TTC39A: variants seen among roughly 807,000 people sequenced by gnomAD.
TTC39A encodes tetratricopeptide repeat protein 39A.
TTC39A carries 46 observed loss-of-function variants against 82.3 expected under a neutral mutation model. The ratio of observed to expected loss-of-function variants is 0.56; its 90% CI spans 0.44 to 0.71. The LOEUF (loss-of-function observed/expected upper bound fraction) is 0.71, where lower values mean the gene tolerates loss of function less well. TTC39A is among the 30% of genes least tolerant of loss of function. The pLI is 0.00. For missense variants in TTC39A, 543 were observed against 712.9 expected (o/e 0.76, Z 2.71); for synonymous variants, 254 against 275.2 (o/e 0.92, Z 0.76).
chr1:51,308,431 G>C (rs1243592757), intron 6 of TTC39A, among the ~76,000 whole-genome samples: 1 of 152,086 alleles, frequency 6.6e-6, no homozygotes, highest in East Asian at 1.9e-4. Context: ...GTAGAGACAG[G>C]GTTTCACCAG....
chr1:51,297,123 GC>G (rs1644463820), intron 12 of TTC39A: 1 of 152,240 alleles, frequency 6.6e-6, no homozygotes, highest in African/African-American at 2.4e-5. Context: ...CCATGCCGGG[GC>G]CTCAGCCCGC....
rs1644351989 is a variant in TTC39A, at chr1:51,294,763, G to A, written c.1146-252C>T. The stretch of plus-strand genomic sequence containing the variant: ...TTCCTCCCCGCCAGCTGGCAGAGAT[G>A]AGAGTGTGCCAAACACCCCTGGGCC... On this transcript the variant is annotated intron_variant, in intron 13 of 17. Transcript: ENST00000680483. The surrounding 1 kb of genome is among the most constrained non-coding windows in gnomAD (Gnocchi z 4.3). Among the ~76,000 whole-genome samples, 1 of 152,218 alleles carries A rather than the reference G, an allele frequency of 6.6e-6. No individual in the cohort carries two copies. The highest frequency in any genetic ancestry group is 2.1e-4 in the South Asian group (1 of 4,836).
intron 5 of TTC39A, among the ~76,000 whole-genome samples, chr1:51,309,917 A>G (rs995511306): frequency 6.6e-6 from 1 of 152,172 alleles, no homozygotes; most frequent in Non-Finnish European, 1.5e-5. Flanking sequence ...TGGGTGAAGA[A>G]AGCAAGACCC....
chr1:51,328,027 A>C (rs927430725), intron 1 of TTC39A, among the ~76,000 whole-genome samples: 6 of 152,098 alleles, frequency 3.9e-5, no homozygotes, highest in Non-Finnish European at 8.8e-5. Flanking sequence ...AGTAGCACTG[A>C]CTTTATAATG....
upstream of TTC39A, chr1:51,331,316 G>A (rs923781617): frequency 4.6e-6 from 7 of 1,536,480 alleles, no homozygotes; most frequent in Admixed American, 7.9e-5. Context: ...GCCCTGAGGC[G>A]GTGTCTCCAC....
In TTC39A at chr1:51,330,161, T is replaced by C. The variant is rs1025046328; in HGVS notation, c.41+276A>G. 5 of 985,496 alleles carry C rather than the reference T, an allele frequency of 5.1e-6. No homozygotes were observed. The highest frequency in any genetic ancestry group is 6.0e-6 in the Non-Finnish European group (5 of 830,006). 61.0% of individuals were successfully genotyped at this position (985,496 alleles called of 1,614,324 possible). ...ACGCCACGAGGCAGGTGGGGAAGGC[T>C]GCTCTGAACGTGTCTGTGACTACAG... is the stretch of plus-strand genomic sequence containing the variant. On this transcript the variant is annotated intron_variant, in intron 1 of 17. Coordinates refer to ENST00000680483, the MANE Select transcript of TTC39A (RefSeq NM_001297663.2). The surrounding 1 kb of genome is among the most constrained non-coding windows in gnomAD (Gnocchi z 4.5).
At chr1:51,301,896 CTCCAG>C in intron 11 of TTC39A, 163 bp from the exon 12 acceptor site, 1 of 940,402 alleles carries the variant, frequency 1.1e-6, no homozygotes, top group African/African-American at 1.6e-5. Flanking sequence ...GAGATCTGGC[CTCCAG>C]TCCTGGTTTT....
intron 1 of TTC39A, chr1:51,322,181 AG>A: frequency 6.6e-7 from 1 of 1,510,936 alleles, no homozygotes; most frequent in East Asian, 2.5e-5. Context: ...CTGCCCCCCC[AG>A]GGGGTGCAGC....
rs1644234141 is a variant in TTC39A at position 51,291,806 on chromosome 1, A to AAAAATCTC, written c.1267-1182_1267-1181insGAGATTTT. 2.3e-5 allele frequency among the ~76,000 whole-genome samples: 3 copies of AAAAATCTC among 133,062 alleles called. No homozygotes were observed. The South Asian group carries it at 6.7e-4, about 30-fold the overall frequency. The allele number at this position is 133,062 out of a possible 152,430, so 87.3% of individuals were successfully genotyped here. ...GGGTGACAGAGTGAGATTCTATCTCAAAAAAAAAAAAAAAATTCTTTTCAC... is the reference window on the plus strand; with the variant it reads ...GGGTGACAGAGTGAGATTCTATCTCAAAAATCTCAAAAAAAAAAAAAAATTCTTTTCAC... On this transcript the variant is annotated intron_variant, in intron 14 of 17. Coordinates refer to ENST00000680483, the MANE Select transcript of TTC39A (RefSeq NM_001297663.2).
At chr1:51,303,308 G>A in intron 8 of TTC39A, 116 bp from the exon 9 acceptor site, 1 of 862,224 alleles carries the variant, frequency 1.2e-6, no homozygotes, top group South Asian at 1.7e-5. Flanking sequence ...TGGAACCCTG[G>A]GGGCCAGGTC....
chr1:51,306,852 G>C, intron 6 of TTC39A, among the ~76,000 whole-genome samples: 1 of 20,554 alleles, frequency 4.9e-5, no homozygotes, highest in African/African-American at 2.2e-4. Context: ...TTAAGGGACA[G>C]ACCCCCCCCC....
upstream of TTC39A, chr1:51,335,110 C>T (rs916939503): frequency 6.6e-6 from 1 of 152,234 alleles, no homozygotes; most frequent in African/African-American, 2.4e-5. Context: ...TTTCCTGGTG[C>T]GTTACATCTG....
In TTC39A at chr1:51,311,341, G is replaced by C; in HGVS notation, c.356-20C>G. ...TTTCCTCTGTGGGGAGAAAACCAAA[G>C]CCCCGTGGCCTCCTGGGACTCTAGT... On this transcript the variant is annotated intron_variant, in intron 4 of 17. Transcript: ENST00000680483. 1 of 1,559,804 alleles carries C rather than the reference G, an allele frequency of 6.4e-7. No individual in the cohort carries two copies. The highest frequency in any genetic ancestry group is 1.2e-5 in the South Asian group (1 of 84,550).
intron 1 of TTC39A, among the ~76,000 whole-genome samples, chr1:51,328,931 C>A (rs1017716154): frequency 1.3e-5 from 2 of 152,182 alleles, no homozygotes; most frequent in Non-Finnish European, 2.9e-5. Context: ...TGCGGCCCTC[C>A]TCTGCTCAGA....
At chr1:51,331,565 C>G (rs771493288), upstream of TTC39A, 2 of 985,386 alleles carry the variant, frequency 2.0e-6, no homozygotes, top group Non-Finnish European at 2.4e-6. Flanking sequence ...GAAGCAACCA[C>G]GGTGGGAACA....
chr1:51,312,898 C>T lies in TTC39A; in HGVS notation c.192G>A (p.Leu64=). 6.2e-7 allele frequency: 1 copy of T among 1,613,914 alleles called. No individual in the cohort carries two copies. Among genetic ancestry groups the T allele is most frequent in the Non-Finnish European group, 8.5e-7 (1 of 1,179,830 alleles). The stretch of plus-strand genomic sequence containing the variant: ...CAAAGGTCATCATGGCCTGCATCTC[C>T]AGGATGGTGGCATATGTCAGTGAGT... ...MYHSLTYATI[L]EMQAMMTFDP... The change falls in exon 3 of 18, where the codon CTG becomes CTA. Residue 64 remains leucine (L), a synonymous_variant. Coordinates refer to ENST00000680483, the MANE Select transcript of TTC39A (RefSeq NM_001297663.2).
At chr1:51,329,014 G>A (rs1645813056) in intron 1 of TTC39A, among the ~76,000 whole-genome samples, 1 of 152,206 alleles carries the variant, frequency 6.6e-6, no homozygotes, top group South Asian at 2.1e-4. Context: ...GGGCAGGCAT[G>A]CAGAGAGGCA....
chr1:51,334,417 C>T (rs12068235), upstream of TTC39A, among the ~76,000 whole-genome samples: 4,081 of 152,136 alleles, frequency 0.027, 174 homozygotes, highest in African/African-American at 0.094. Context: ...GCAGAAGAAT[C>T]GCTTGAACCC....
In TTC39A at chr1:51,296,222, GC is replaced by G; in HGVS notation, c.1054-53del. On this transcript the variant is annotated intron_variant, in intron 12 of 17. Coordinates refer to ENST00000680483, the MANE Select transcript of TTC39A (RefSeq NM_001297663.2). ...TGTGAGCAGCCCTCCTCCAGCCCCA[GC>G]CGGGCTGGAATCTGCAGACGGACCT... 2.6e-6 allele frequency: 4 copies of G among 1,526,414 alleles called. No individual in the cohort carries two copies. The South Asian group carries it at 4.8e-5, about 18-fold the overall frequency. The allele number at this position is 1,526,414 out of a possible 1,614,324, so 94.6% of individuals were successfully genotyped here.
Sources: gnomAD v4.1 joint callset for allele counts (sites outside exome capture counted in the v4.1 genomes callset) on GRCh38, gnomAD v4.1.1 for gene constraint, Gnocchi (gnomAD v3.1) non-coding constraint, MANE v1.5 for transcripts, NCBI Gene and HGNC (gene_info 2026-07-23, HGNC 2026-07-21) for gene names.